RTEL1: variants seen among roughly 807,000 people sequenced by gnomAD.
RTEL1 encodes regulator of telomere elongation helicase 1, also known as regulator of telomere length.
A neutral mutation model predicts 162.2 loss-of-function variants in RTEL1; 86 were observed. The ratio of observed to expected loss-of-function variants is 0.53; its 90% CI spans 0.45 to 0.63. The LOEUF (loss-of-function observed/expected upper bound fraction) is 0.63, where lower values mean the gene tolerates loss of function less well. Among genes scored for constraint, RTEL1 ranks in the 30% least tolerant of loss-of-function variants. The pLI is 0.00. For synonymous variants in RTEL1, 958 were observed against 717.9 expected (o/e 1.33, Z -5.35); for missense variants, 1,941 against 1,750.2 (o/e 1.11, Z -1.95).
chr20:63,689,384 G>A (rs888803328), intron 22 of RTEL1, 118 bp from the exon 23 acceptor site: 18 of 1,245,868 alleles, frequency 1.4e-5, no homozygotes, highest in African/African-American at 3.0e-5. Context: ...ACCCACAGAT[G>A]GAGCTTCCTC....
At chr20:63,674,745 T>G (rs966125254) in intron 10 of RTEL1, among the ~76,000 whole-genome samples, 7 of 152,110 alleles carry the variant, frequency 4.6e-5, no homozygotes, top group Non-Finnish European at 1.0e-4. Context: ...AAGGGCATTT[T>G]GCATCTTTAA....
intron 8 of RTEL1, among the ~76,000 whole-genome samples, chr20:63,671,152 T>G (rs2090233223): frequency 1.3e-5 from 2 of 152,040 alleles, no homozygotes; most frequent in Admixed American, 1.3e-4. Context: ...CTTCCGCCTC[T>G]TGGGTTCAAA....
At chr20:63,673,906 G>A (rs912093571) in intron 9 of RTEL1, 34 bp from the exon 10 acceptor site, 2 of 1,590,648 alleles carry the variant, frequency 1.3e-6, no homozygotes, top group Admixed American at 3.4e-5. Context: ...ATCCTGTCCT[G>A]TTCTGTGGTG....
Position 63,692,905 on chromosome 20 carries a change from C to G in RTEL1, c.2753C>G (p.Ala918Gly), listed in dbSNP as rs1234595238. ...SQANFATFTQ[A>G]LQDYKGSDDF... ...GCCAACTTTGCCACCTTCACCCAGG[C>G]CCTGCAGGACTACAAGGGTTCCGAT... The change falls in exon 29 of 35, where the codon GCC becomes GGC. Residue 918 changes from alanine (A) to glycine (G), a missense_variant. By Grantham distance (60) the Ala-to-Gly change is moderately conservative. Coordinates refer to ENST00000360203, the MANE Select transcript of RTEL1 (RefSeq NM_001283009.2). The G allele has an allele frequency of 6.2e-7, 1 of 1,612,668 alleles. No homozygotes were observed. Among genetic ancestry groups the G allele is most frequent in the South Asian group, 1.1e-5 (1 of 91,084 alleles).
chr20:63,689,092 G>A lies in RTEL1; in HGVS notation c.1838G>A (p.Gly613Glu). ...TACTATGCAAGGGTTGCCGCCCCTG[G>A]GTCCACCGGCGCCACCTTCCTGGCG... is the stretch of plus-strand genomic sequence containing the variant. ...SAYYARVAAP[G>E]STGATFLAVC... The change falls in exon 22 of 35, where the codon GGG becomes GAG. Residue 613 changes from glycine (G) to glutamate (E), a missense_variant. Transcript: ENST00000360203. 1 of 1,610,714 alleles carries A rather than the reference G, an allele frequency of 6.2e-7. No homozygotes were observed. The highest frequency in any genetic ancestry group is 8.5e-7 in the Non-Finnish European group (1 of 1,179,884).
chr20:63,659,504 G>A lies in RTEL1; in HGVS notation c.102G>A (p.Gln34=). The change falls in exon 2 of 35, where the codon CAG becomes CAA. Residue 34 remains glutamine, a splice_region_variant and synonymous_variant. Coordinates refer to ENST00000360203, the MANE Select transcript of RTEL1 (RefSeq NM_001283009.2). ...YMTKVLECLQ[Q]KVNGILESPT... is the part of the protein sequence containing the mutation. ...CCAAGGTCCTGGAATGTCTGCAGCA[G>A]GTAGAGCACAGGCCCCGAGGAAAGG... The A allele has an allele frequency of 6.2e-7, 1 of 1,611,526 alleles. No homozygotes were observed. The highest frequency in any genetic ancestry group is 1.1e-5 in the South Asian group (1 of 91,040).
chr20:63,693,362 G>A, intron 30 of RTEL1, 79 bp downstream of exon 30: 3 of 1,548,174 alleles, frequency 1.9e-6, no homozygotes, highest in Non-Finnish European at 2.6e-6. Context: ...TGCTTGGGGT[G>A]GGCATCCTCG....
rs2090727862 is a variant in RTEL1, at chr20:63,691,029, C to G, written c.2556+82C>G. On this transcript the variant is annotated intron_variant, in intron 27 of 34. Coordinates refer to ENST00000360203, the MANE Select transcript of RTEL1 (RefSeq NM_001283009.2). ...GACCCCGCCCATCTGGCCTCAGGCA[C>G]CTCCCCACACACCCCTGTAAATCCC... is the stretch of plus-strand genomic sequence containing the variant. 6 of 1,368,226 alleles carry G rather than the reference C, an allele frequency of 4.4e-6. No homozygotes were observed. In the East Asian group the frequency reaches 1.5e-4, roughly 35 times the overall value. 84.8% of individuals were successfully genotyped at this position (1,368,226 alleles called of 1,614,324 possible).
In RTEL1 at chr20:63,673,940, G is replaced by A. The variant is rs563131548; in HGVS notation, c.766G>A (p.Glu256Lys). 1 of 1,610,376 alleles carries A rather than the reference G, an allele frequency of 6.2e-7. No homozygotes were observed. Among genetic ancestry groups the A allele is most frequent in the South Asian group, 1.1e-5 (1 of 90,672 alleles). ...VVIFDEAHNV[E>K]KMCEESASFD... is the part of the protein sequence containing the mutation. ...TGATTCGGGTGTGCTTGGGCTCTAGGAGAAGATGTGTGAAGAATCGGCATC... is the reference window on the plus strand; with the variant it reads ...TGATTCGGGTGTGCTTGGGCTCTAGAAGAAGATGTGTGAAGAATCGGCATC... Residue 256 changes from glutamate to lysine, a missense_variant and splice_region_variant, in exon 10 of 35, where the codon GAG (glutamate) becomes AAG (lysine). Physicochemically the swap from Glu to Lys is moderately conservative, Grantham distance 56. Transcript: ENST00000360203.
In RTEL1 at chr20:63,674,052, G is replaced by A. The variant is rs779999090; in HGVS notation, c.878G>A (p.Gly293Asp). ...LEEQTKAAQQ[G>D]EPHPEFSADS... is the part of the protein sequence containing the mutation. ...GAGCAGACCAAGGCAGCGCAGCAGG[G>A]TGAGCCCCACCCGGAGTTCAGCGCG... is the stretch of plus-strand genomic sequence containing the variant. The change falls in exon 10 of 35, where the codon GGT becomes GAT. Residue 293 changes from glycine (G) to aspartate (D), a missense_variant. By Grantham distance (94) the Gly-to-Asp change is moderately conservative. Coordinates refer to ENST00000360203, the MANE Select transcript of RTEL1 (RefSeq NM_001283009.2). 3 of 1,613,582 alleles carry A rather than the reference G, an allele frequency of 1.9e-6. No homozygotes were observed. The highest frequency in any genetic ancestry group is 2.2e-5 in the South Asian group (2 of 91,078).
chr20:63,677,656 G>C (rs146074956), intron 10 of RTEL1, among the ~76,000 whole-genome samples: 1 of 152,340 alleles, frequency 6.6e-6, no homozygotes, highest in South Asian at 2.1e-4. Flanking sequence ...GCTCCTCTTG[G>C]TGTCTCCAGT....
At chr20:63,679,824 G>T in intron 12 of RTEL1, 25 bp from the exon 13 acceptor site, 1 of 1,596,624 alleles carries the variant, frequency 6.3e-7, no homozygotes. Flanking sequence ...CGCCAGGCTC[G>T]AGCCTGCCTT....
intron 14 of RTEL1, among the ~76,000 whole-genome samples, chr20:63,682,817 G>C (rs1601146851): frequency 6.6e-6 from 1 of 152,256 alleles, no homozygotes; most frequent in Non-Finnish European, 1.5e-5. Flanking sequence ...CCGTGTGCTC[G>C]GAAGTCAGGG....
In RTEL1 at chr20:63,692,977, A is replaced by G. The variant is rs756463210; in HGVS notation, c.2825A>G (p.Asp942Gly). ...TGTCTCGGCCCCCTCTTTGCTGAGG[A>G]CCCCAAGAAGCACAACCTGCTCCAA... Reference protein sequence around the residue: ...AACLGPLFAEDPKKHNLLQGF... With the variant: ...AACLGPLFAEGPKKHNLLQGF... Residue 942 changes from aspartate (D) to glycine (G), a missense_variant, in exon 29 of 35, where the codon GAC (aspartate) becomes GGC (glycine). Coordinates refer to ENST00000360203, the MANE Select transcript of RTEL1 (RefSeq NM_001283009.2). 5 of 1,612,536 alleles carry G rather than the reference A, an allele frequency of 3.1e-6. No individual in the cohort carries two copies. The highest frequency in any genetic ancestry group is 3.4e-6 in the Non-Finnish European group (4 of 1,179,824).
At chr20:63,682,561 C>T in intron 14 of RTEL1, 1 of 985,932 alleles carries the variant, frequency 1.0e-6, no homozygotes, top group Non-Finnish European at 1.2e-6. Flanking sequence ...CTCTAAGTAG[C>T]CGCTGGTGGA....
rs756711633 is a variant in RTEL1 at position 63,690,829 on chromosome 20, A to C, written c.2438A>C (p.Glu813Ala). Residue 813 changes from glutamate to alanine, a missense_variant, in exon 27 of 35, where the codon GAG becomes GCG. Transcript: ENST00000360203. Reference protein sequence around the residue: ...SSGSPAAGDPESSLCVEYEQE... With the variant: ...SSGSPAAGDPASSLCVEYEQE... ...GGGTCACCAGCTGCCGGGGACCCCG[A>C]GAGTAGCCTGTGTGTGGAGTATGAG... 4 of 1,604,776 alleles carry C rather than the reference A, an allele frequency of 2.5e-6. No homozygotes were observed. Among genetic ancestry groups the C allele is most frequent in the Non-Finnish European group, 3.4e-6 (4 of 1,177,688 alleles).
intron 10 of RTEL1, among the ~76,000 whole-genome samples, chr20:63,677,712 T>G (rs572191576): frequency 6.6e-6 from 1 of 152,094 alleles, no homozygotes; most frequent in South Asian, 2.1e-4. Context: ...TTGGTGGATT[T>G]GGCCTGCACG....
intron 30 of RTEL1, among the ~76,000 whole-genome samples, 173 bp downstream of exon 30, chr20:63,693,456 T>TCCACCACCTCCACCACCTCCA (rs1262595789): frequency 4.8e-5 from 1 of 21,042 alleles, no homozygotes; most frequent in African/African-American, 2.7e-4. Context: ...CAGCACCACC[T>TCCACCACCTCCACCACCTCCA]CCACCTCCAC....
At position 63,666,042 on chromosome 20, in the gene RTEL1, G is replaced by A. The variant is rs1482882526; in HGVS notation, c.577G>A (p.Asp193Asn). Reference sequence around the variant, plus strand: ...GCAGGAGCTGGCCAGCCCCATCCTGGACATTGAGGACTTGGTCAAGAGCGG... The same window carrying A: ...GCAGGAGCTGGCCAGCCCCATCCTGAACATTGAGGACTTGGTCAAGAGCGG... ...LEQELASPIL[D>N]IEDLVKSGSK... The change falls in exon 7 of 35, where the codon GAC becomes AAC. Residue 193 changes from aspartate (D) to asparagine (N), a missense_variant. Transcript: ENST00000360203. 6.2e-7 allele frequency: 1 copy of A among 1,614,162 alleles called. No individual in the cohort carries two copies. Among genetic ancestry groups the A allele is most frequent in the Admixed American group, 1.7e-5 (1 of 60,022 alleles).
Sources: allele counts gnomAD v4.1 joint callset (sites outside exome capture counted in the v4.1 genomes callset), GRCh38; gene constraint gnomAD v4.1.1; transcripts MANE v1.5; gene names NCBI Gene and HGNC (gene_info 2026-07-23, HGNC 2026-07-21).